KRTAP4-9: variants seen among roughly 807,000 people sequenced by gnomAD.
KRTAP4-9 encodes the protein keratin associated protein 4-9.
KRTAP4-9 carries 4 observed loss-of-function variants against 4.3 expected under a neutral mutation model. That is an observed-to-expected ratio of 0.94 (90% CI 0.46 to 2.15). The LOEUF is 2.15. Ranked by LOEUF, KRTAP4-9 falls within the 30% of genes most tolerant of loss-of-function variation. The pLI is 0.02. For missense variants in KRTAP4-9, 297 were observed against 278.5 expected (o/e 1.07, Z -0.47); for synonymous variants, 111 against 99.2 (o/e 1.12, Z -0.70).
At chr17:41,105,493 C>T (rs781316209) in exon 1 of KRTAP4-9, 79 of 1,567,038 alleles carry the variant, frequency 5.0e-5, no homozygotes, top group Non-Finnish European at 6.3e-5. Flanking sequence ...CCACCTGCTG[C>T]AGGACCACCT....
exon 1 of KRTAP4-9, chr17:41,105,708 C>G: frequency 6.4e-7 from 1 of 1,572,848 alleles, no homozygotes; most frequent in Non-Finnish European, 8.6e-7. Context: ...TGCTGTCGCC[C>G]CAGCTGCTGT....
At chr17:41,105,543 C>T in exon 1 of KRTAP4-9, 1 of 1,562,824 alleles carries the variant, frequency 6.4e-7, no homozygotes, top group Non-Finnish European at 8.6e-7. Context: ...TGCTGCAGGC[C>T]CCAGTGCTGC....
At chr17:41,105,630 G>C (rs770484140) in exon 1 of KRTAP4-9, 1 of 1,598,114 alleles carries the variant, frequency 6.3e-7, no homozygotes, top group South Asian at 1.1e-5. Flanking sequence ...ACCTGCTACC[G>C]CCCCAGCTGT....
At chr17:41,105,772 C>G in exon 1 of KRTAP4-9, 1 of 1,602,960 alleles carries the variant, frequency 6.2e-7, no homozygotes, top group Non-Finnish European at 8.5e-7. Context: ...GTCGCCCCAG[C>G]TGCTGTGTGT....
At chr17:41,105,423 A>T (rs1358673779) in exon 1 of KRTAP4-9, 1 of 1,611,894 alleles carries the variant, frequency 6.2e-7, no homozygotes, top group Non-Finnish European at 8.5e-7. Flanking sequence ...GTGTGCTCTG[A>T]CCAGGGCTGC....
chr17:41,106,345 C>G (rs6503596), exon 1 of KRTAP4-9: 1 of 454,458 alleles, frequency 2.2e-6, no homozygotes, highest in Non-Finnish European at 3.9e-6. Context: ...CTCAGTGAGG[C>G]AGACATTATC....
chr17:41,105,506 T>C, exon 1 of KRTAP4-9: 1 of 1,566,534 alleles, frequency 6.4e-7, no homozygotes, highest in East Asian at 3.0e-5. Flanking sequence ...GACCACCTGC[T>C]GCCGCCCCAG....
exon 1 of KRTAP4-9, chr17:41,105,918 G>A (rs774382260): frequency 5.6e-6 from 9 of 1,607,794 alleles, no homozygotes; most frequent in Admixed American, 1.7e-5. Flanking sequence ...TGCTGCGTGC[G>A]TCCAGTCTGT....
chr17:41,106,234 G>T (rs537236494), exon 1 of KRTAP4-9: 21 of 862,798 alleles, frequency 2.4e-5, no homozygotes, highest in Admixed American at 9.7e-5. Flanking sequence ...TCTTCCGGTG[G>T]TGGCACCAAA....
In KRTAP4-9 at chr17:41,105,932, C is replaced by T. The variant is rs201003604; in HGVS notation, c.544C>T (p.Arg182Ter). ...CTGCTGCGTGCGTCCAGTCTGTGGC[C>T]GAGTCTCCTGCCACACCACTTGCTA... Residue 182 changes from arginine to a stop codon, truncating the protein, a stop_gained, in exon 1 of 1, where the codon CGA becomes TGA. Coordinates refer to ENST00000391415, the Ensembl canonical transcript of KRTAP4-9. LOFTEE classifies it high-confidence loss of function. 9 of 1,605,746 alleles carry T rather than the reference C, an allele frequency of 5.6e-6. No individual in the cohort carries two copies. The highest frequency in any genetic ancestry group is 2.2e-5 in the East Asian group (1 of 44,578).
At chr17:41,105,508 C>G (rs769318333) in exon 1 of KRTAP4-9, 1 of 1,564,308 alleles carries the variant, frequency 6.4e-7, no homozygotes, top group Non-Finnish European at 8.6e-7. Flanking sequence ...CCACCTGCTG[C>G]CGCCCCAGCT....
chr17:41,106,235 TG>T, exon 1 of KRTAP4-9: 1 of 841,374 alleles, frequency 1.2e-6, no homozygotes, highest in Non-Finnish European at 1.8e-6. Flanking sequence ...CTTCCGGTGG[TG>T]GCACCAAATG....
exon 1 of KRTAP4-9, chr17:41,106,194 C>T (rs2014089485): frequency 8.4e-7 from 1 of 1,187,802 alleles, no homozygotes; most frequent in Non-Finnish European, 1.2e-6. Flanking sequence ...CATTCTGATT[C>T]ATTTTAAACT....
chr17:41,105,438 A>T (rs2014064392), exon 1 of KRTAP4-9: 5 of 1,613,170 alleles, frequency 3.1e-6, no homozygotes, highest in Non-Finnish European at 4.2e-6. Flanking sequence ...GGCTGCGGCC[A>T]AGACCTCTGT....
chr17:41,105,962 C>T (rs943118033), exon 1 of KRTAP4-9: 3 of 1,603,326 alleles, frequency 1.9e-6, no homozygotes, highest in Non-Finnish European at 2.6e-6. Flanking sequence ...TTGCTATCGC[C>T]CAACCTGTGT....
chr17:41,105,390 T>C (rs1216957848), exon 1 of KRTAP4-9: 4 of 1,589,558 alleles, frequency 2.5e-6, no homozygotes, highest in Non-Finnish European at 3.4e-6. Context: ...TCTGACACCA[T>C]GGTCAGCTCC....
exon 1 of KRTAP4-9, chr17:41,106,115 G>A: frequency 6.8e-7 from 1 of 1,468,384 alleles, no homozygotes; most frequent in East Asian, 2.5e-5. Flanking sequence ...AAGTGGGGTT[G>A]ATGTCATTCA....
At chr17:41,105,817 G>T (rs1280486721) in exon 1 of KRTAP4-9, 10 of 1,611,338 alleles carry the variant, frequency 6.2e-6, no homozygotes, top group African/African-American at 2.7e-5. Context: ...GCCAGTCTGT[G>T]TGCTGCCAGC....
exon 1 of KRTAP4-9, chr17:41,105,593 T>C (rs2014070355): frequency 6.4e-7 from 1 of 1,568,352 alleles, no homozygotes; most frequent in East Asian, 3.0e-5. Context: ...CCGCCCCAGC[T>C]GCTGTCAGAC....
Sources: allele counts gnomAD v4.1 joint callset, GRCh38; gene constraint gnomAD v4.1.1; transcripts MANE v1.5; gene names NCBI Gene and HGNC (gene_info 2026-07-23, HGNC 2026-07-21).